The following CR1 variants were observed in gnomAD, a reference collection of about 807,000 sequenced individuals.
CR1 encodes complement C3b/C4b receptor 1 (Knops blood group).
In CR1, 116 loss-of-function variants were observed where a neutral mutation model predicts 187.3. The observed-to-expected ratio is 0.62, with a 90% confidence interval of 0.53 to 0.72. The LOEUF is 0.72. Ranked by LOEUF, CR1 falls within the 30% of genes least tolerant of loss-of-function variation. The probability of loss-of-function intolerance (pLI) is 0.00; values close to 1 mark genes in which losing one functional copy is unlikely to be tolerated. For missense variants in CR1, 1,731 were observed against 2,110.7 expected (o/e 0.82, Z 3.52); for synonymous variants, 576 against 747.1 (o/e 0.77, Z 3.73).
chr1:207,630,508 G>T lies in CR1; in HGVS notation c.7353-9G>T. 6.5e-7 allele frequency: 1 copy of T among 1,548,854 alleles called. No individual in the cohort carries two copies. Among genetic ancestry groups the T allele is most frequent in the Admixed American group, 2.0e-5 (1 of 50,048 alleles). On this transcript the variant is annotated splice_polypyrimidine_tract_variant and intron_variant, in intron 45 of 46. Transcript: ENST00000367049. ...AGACAGTTTTTCTATTTTTTTCTCTGCCAATTAGCAATAATGCACATGAAA... is the reference window on the plus strand; with the variant it reads ...AGACAGTTTTTCTATTTTTTTCTCTTCCAATTAGCAATAATGCACATGAAA...
At chr1:207,513,848 G>A (rs1368151583) in intron 4 of CR1, among the ~76,000 whole-genome samples, 1 of 148,788 alleles carries the variant, frequency 6.7e-6, no homozygotes. Flanking sequence ...ACGCTGGCTA[G>A]GACCACCAGT....
chr1:207,620,024 C>T lies in CR1; in HGVS notation c.7211C>T (p.Ala2404Val), dbSNP rs781466248. 1.5e-5 allele frequency: 25 copies of T among 1,613,408 alleles called. No homozygotes were observed. The highest frequency in any genetic ancestry group is 9.9e-5 in the South Asian group (9 of 90,948). ...GGCAGTCCCTGGAGCCAGTGCCAGG[C>T]GGATGACAGATGGGACCCTCCTCTG... The part of the protein sequence containing the change: ...LEGSPWSQCQ[A>V]DDRWDPPLAK... The change falls in exon 43 of 47, where the codon GCG (alanine) becomes GTG (valine). Residue 2404 changes from alanine (A) to valine (V), a missense_variant. Around this residue, in one of 5 missense-constraint regions of CR1, gnomAD observed 1,312 missense variants for 1,379.6 expected, o/e 0.95. Coordinates refer to ENST00000367049, the MANE Select transcript of CR1 (RefSeq NM_000651.6).
intron 39 of CR1, among the ~76,000 whole-genome samples, chr1:207,613,666 G>C (rs2102390117): frequency 6.6e-6 from 1 of 152,196 alleles, no homozygotes; most frequent in South Asian, 2.1e-4. Flanking sequence ...TGCACTATGA[G>C]TCTGGAGGGA....
chr1:207,616,764 G>A lies in CR1; in HGVS notation c.6851G>A (p.Ser2284Asn). The A allele has an allele frequency of 6.2e-7, 1 of 1,613,952 alleles. No homozygotes were observed. Among genetic ancestry groups the A allele is most frequent in the East Asian group, 2.2e-5 (1 of 44,884 alleles). ...GACCCTCAAGGGAATGGGGTTTGGA[G>A]CAGCCCTGCCCCTCGCTGTGAACTT... is the stretch of plus-strand genomic sequence containing the variant. The part of the protein sequence containing the change: ...TSDPQGNGVW[S>N]SPAPRCELSV... The change falls in exon 41 of 47, where the codon AGC becomes AAC. Residue 2284 changes from serine (S) to asparagine (N), a missense_variant. By Grantham distance (46) the Ser-to-Asn change is conservative. This residue lies in a region of CR1 where 1,312 missense variants were observed against 1,379.6 expected (regional missense o/e 0.95). Transcript: ENST00000367049.
At position 207,575,665 on chromosome 1, in the gene CR1, C is replaced by A; in HGVS notation, c.4522C>A (p.Pro1508Thr). 1 of 1,611,808 alleles carries A rather than the reference C, an allele frequency of 6.2e-7. No individual in the cohort carries two copies. The highest frequency in any genetic ancestry group is 8.5e-7 in the Non-Finnish European group (1 of 1,179,686). Residue 1508 changes from proline to threonine, a missense_variant, in exon 28 of 47, where the codon CCG (proline) becomes ACG (threonine). By Grantham distance (38) the Pro-to-Thr change is conservative (BLOSUM62 -1). This residue lies in a region of CR1 where 1,312 missense variants were observed against 1,379.6 expected (regional missense o/e 0.95). Transcript: ENST00000367049. ...CAATACTGCCCATTGGAGCACGAAG[C>A]CGCCAATTTGTCAACGTGAGTTGAA... ...SGNTAHWSTK[P>T]PICQRIPCGL...
In CR1 at chr1:207,512,422, G is replaced by A. The variant is rs111960594; in HGVS notation, c.487+768G>A. Reference sequence around the variant, plus strand: ...GACTAGAAAGAGATGTATTTTATGTGGAAAAAGAATCAGATGAATGGCATA... The same window carrying A: ...GACTAGAAAGAGATGTATTTTATGTAGAAAAAGAATCAGATGAATGGCATA... On this transcript the variant is annotated intron_variant, in intron 4 of 46. Coordinates refer to ENST00000367049, the MANE Select transcript of CR1 (RefSeq NM_000651.6). Among the ~76,000 whole-genome samples the A allele has an allele frequency of 7.2e-3, 1,103 of 152,200 alleles. 15 individuals carry two copies. Among genetic ancestry groups the A allele is most frequent in the African/African-American group, 0.025 (1,021 of 41,530 alleles).
At chr1:207,590,598 T>G (rs1430453265) in intron 35 of CR1, among the ~76,000 whole-genome samples, 1 of 152,118 alleles carries the variant, frequency 6.6e-6, no homozygotes, top group East Asian at 1.9e-4. Flanking sequence ...AGGATCAAAT[T>G]TACACATAAC....
At chr1:207,497,678 C>T (rs1200646812) in intron 1 of CR1, among the ~76,000 whole-genome samples, 1 of 152,098 alleles carries the variant, frequency 6.6e-6, no homozygotes, top group Non-Finnish European at 1.5e-5. Flanking sequence ...CTGTTGTCAA[C>T]GCTTAGGAAT....
Position 207,618,108 on chromosome 1 carries a change from C to T in CR1, c.6927C>T (p.Tyr2309=), listed in dbSNP as rs1431549292. The change falls in exon 42 of 47, where the codon TAC becomes TAT. Residue 2309 remains tyrosine (Y), a synonymous_variant. Transcript: ENST00000367049. ...PHPPKIQNGH[Y]IGGHVSLYLP... is the part of the protein sequence containing the mutation. ...CACCCAAGATCCAAAACGGGCATTA[C>T]ATTGGAGGACACGTATCTCTATATC... is the stretch of plus-strand genomic sequence containing the variant. The T allele has an allele frequency of 6.2e-7, 1 of 1,613,890 alleles. No individual in the cohort carries two copies. The highest frequency in any genetic ancestry group is 8.5e-7 in the Non-Finnish European group (1 of 1,179,824).
In CR1 at chr1:207,567,892, C is replaced by T. The variant is rs372477607; in HGVS notation, c.4021C>T (p.Pro1341Ser). 7.4e-5 allele frequency: 120 copies of T among 1,610,956 alleles called. No homozygotes were observed. In the African/African-American group the frequency reaches 1.5e-3, roughly 21 times the overall value. ...CACAGGAAAACCTCTGGAAGTCTTT[C>T]CCTTTGGAAAAGCAGTAAATTACAC... ...RHTGKPLEVF[P>S]FGKAVNYTCD... The change falls in exon 25 of 47, where the codon CCC becomes TCC. Residue 1341 changes from proline to serine, a missense_variant. Transcript: ENST00000367049.
At chr1:207,520,472 A>G (rs181228983) in intron 4 of CR1, among the ~76,000 whole-genome samples, 1 of 152,342 alleles carries the variant, frequency 6.6e-6, no homozygotes, top group Non-Finnish European at 1.5e-5. Flanking sequence ...ATGCTGGGTC[A>G]TACTCTGGTC....
chr1:207,597,438 T>C (rs536505376), intron 35 of CR1, among the ~76,000 whole-genome samples: 1 of 152,184 alleles, frequency 6.6e-6, no homozygotes, highest in Non-Finnish European at 1.5e-5. Flanking sequence ...GAGCAAATGA[T>C]GTGATAGACA....
chr1:207,617,981 TAGCCAGA>T, intron 41 of CR1, 83 bp from the exon 42 acceptor site: 1 of 1,404,300 alleles, frequency 7.1e-7, no homozygotes, highest in South Asian at 1.4e-5. Context: ...GTACCTCTAA[TAGCCAGA>T]GATATTGGAT....
intron 32 of CR1, among the ~76,000 whole-genome samples, chr1:207,583,246 C>T (rs1379821583): frequency 1.3e-5 from 2 of 152,178 alleles, no homozygotes; most frequent in African/African-American, 4.8e-5. Context: ...GACTAATCAA[C>T]TGTGTCAAAT....
intron 43 of CR1, among the ~76,000 whole-genome samples, chr1:207,621,360 G>A (rs1358734608): frequency 1.3e-5 from 2 of 152,200 alleles, no homozygotes; most frequent in Admixed American, 6.5e-5. Context: ...TGATATTGTT[G>A]TGTGTTGAAG....
chr1:207,496,895 G>A (rs1368442429), intron 1 of CR1, among the ~76,000 whole-genome samples: 2 of 152,158 alleles, frequency 1.3e-5, no homozygotes, highest in African/African-American at 4.8e-5. Context: ...TAAGCCTGTC[G>A]AGTATCTAAC....
At chr1:207,505,773 T>C (rs1398279899) in intron 1 of CR1, 131 bp from the exon 2 acceptor site, 3 of 961,256 alleles carry the variant, frequency 3.1e-6, no homozygotes, top group Non-Finnish European at 4.6e-6. Flanking sequence ...GAGGCGGAGG[T>C]TGCAGTGAGC....
At chr1:207,593,082 T>TAAAAAA (rs778842599) in intron 35 of CR1, among the ~76,000 whole-genome samples, 122 of 59,788 alleles carry the variant, frequency 2.0e-3, no homozygotes, top group Middle Eastern at 7.4e-3. Context: ...TTCACAGAAT[T>TAAAAAA]ACAAAAAAAA....
intron 45 of CR1, among the ~76,000 whole-genome samples, chr1:207,625,144 A>G (rs1445375867): frequency 6.6e-6 from 1 of 152,160 alleles, no homozygotes; most frequent in East Asian, 1.9e-4. Context: ...CTCAATAACC[A>G]TTTCATAAAA....
Sources: gnomAD v4.1 joint callset for allele counts (sites outside exome capture counted in the v4.1 genomes callset) on GRCh38, gnomAD v4.1.1 for gene constraint, gnomAD v4.1.1 regional missense constraint, MANE v1.5 for transcripts, NCBI Gene and HGNC (gene_info 2026-07-23, HGNC 2026-07-21) for gene names.